The following LEUTX variants were observed in gnomAD, a reference collection of about 807,000 sequenced individuals.
LEUTX encodes leucine twenty homeobox, also known as paired-like homeodomain transcription factor LEUTX.
LEUTX carries 5 observed loss-of-function variants against 4.5 expected under a neutral mutation model. The ratio of observed to expected loss-of-function variants is 1.11; its 90% CI spans 0.58 to 2.34. The LOEUF (loss-of-function observed/expected upper bound fraction) is 2.34. Ranked by LOEUF, LEUTX falls within the 30% of genes most tolerant of loss-of-function variation. The pLI is 0.01. For synonymous variants in LEUTX, 89 were observed against 85.1 expected, an observed-to-expected ratio of 1.05 and a Z score of -0.25; for missense variants, 233 against 239.4, an observed-to-expected ratio of 0.97 and a Z score of 0.18.
intron 2 of LEUTX, 80 bp downstream of exon 2, chr19:39,784,758 C>T (rs1427338035): frequency 1.6e-5 from 17 of 1,085,706 alleles, no homozygotes; most frequent in Non-Finnish European, 2.2e-5. Flanking sequence ...TATAACAGTT[C>T]CTATTTATTG....
intron 1 of LEUTX, 23 bp from the exon 2 acceptor site, chr19:39,784,504 C>T (rs1967934900): frequency 1.3e-6 from 1 of 796,622 alleles, no homozygotes; most frequent in African/African-American, 1.7e-5. Flanking sequence ...TTAATGAAAG[C>T]CTTTTATCTG....
intron 1 of LEUTX, among the ~76,000 whole-genome samples, chr19:39,782,871 A>AT (rs113173901): frequency 0.015 from 2,350 of 152,126 alleles, 56 homozygotes; most frequent in African/African-American, 0.053. Flanking sequence ...CTAATAAAAC[A>AT]TTTTTAAATT....
At chr19:39,779,438 C>T (rs1007572169) in intron 1 of LEUTX, among the ~76,000 whole-genome samples, 7 of 152,090 alleles carry the variant, frequency 4.6e-5, no homozygotes, top group Non-Finnish European at 7.4e-5. Context: ...TCTGTTCACT[C>T]TATTTTAAAG....
intron 1 of LEUTX, among the ~76,000 whole-genome samples, chr19:39,782,801 C>G (rs12162263): frequency 0.11 from 16,224 of 152,190 alleles, 1,191 homozygotes; most frequent in Middle Eastern, 0.15. Flanking sequence ...AGCCTAAGCT[C>G]TTGATTCACA....
chr19:39,785,759 G>A lies in LEUTX; in HGVS notation c.221G>A (p.Arg74Gln), dbSNP rs921339184. ...CAGCAGCGGCAGCAAATGCAGACAC[G>A]GCCATCACTAGGGCCAGCAAACCAG... is the stretch of plus-strand genomic sequence containing the variant. Reference protein sequence around the residue: ...KRQQRQQMQTRPSLGPANQTT... With the variant: ...KRQQRQQMQTQPSLGPANQTT... The change falls in exon 3 of 3, where the codon CGG (arginine) becomes CAG (glutamine). Residue 74 changes from arginine to glutamine, a missense_variant. By Grantham distance (43) the Arg-to-Gln change is conservative. Coordinates refer to ENST00000638280, the MANE Select transcript of LEUTX (RefSeq NM_001382345.1). 20 of 1,551,714 alleles carry A rather than the reference G, an allele frequency of 1.3e-5. No individual in the cohort carries two copies. The highest frequency in any genetic ancestry group is 9.5e-5 in the South Asian group (8 of 84,060).
upstream of LEUTX, chr19:39,776,809 A>T: frequency 2.6e-6 from 1 of 383,236 alleles, no homozygotes; most frequent in Non-Finnish European, 5.2e-6. Context: ...TGAGCCTGGG[A>T]GGCGGAGGTT....
chr19:39,784,606 G>A lies in LEUTX; in HGVS notation c.87G>A (p.Lys29=), dbSNP rs565401736. Reference sequence around the variant, plus strand: ...CAGCATTGAGAGAATTGCTTGAAAAGACCATGCACCCAAGTTTGGCTACAA... The same window carrying A: ...CAGCATTGAGAGAATTGCTTGAAAAAACCATGCACCCAAGTTTGGCTACAA... ...QLTALRELLE[K]TMHPSLATMG... Residue 29 remains lysine, a synonymous_variant, in exon 2 of 3, where the codon AAG becomes AAA. Transcript: ENST00000638280. 1 of 1,550,390 alleles carries A rather than the reference G, an allele frequency of 6.4e-7. No individual in the cohort carries two copies. Among genetic ancestry groups the A allele is most frequent in the African/African-American group, 1.4e-5 (1 of 73,126 alleles).
At chr19:39,782,946 AGTG>A (rs1436729503) in intron 1 of LEUTX, among the ~76,000 whole-genome samples, 1 of 152,074 alleles carries the variant, frequency 6.6e-6, no homozygotes, top group Admixed American at 6.6e-5. Flanking sequence ...TAAGTTCTTT[AGTG>A]GTGATTTGTG....
At chr19:39,777,480 TG>T (rs1967812797), upstream of LEUTX, among the ~76,000 whole-genome samples, 1 of 152,210 alleles carries the variant, frequency 6.6e-6, no homozygotes, top group African/African-American at 2.4e-5. Flanking sequence ...TCCCTGCTAT[TG>T]GGGAGGTCAT....
upstream of LEUTX, chr19:39,776,595 C>T (rs770352002): frequency 2.2e-6 from 1 of 456,190 alleles, no homozygotes; most frequent in South Asian, 1.5e-5. Context: ...GAAACTGTAA[C>T]TGCACACGGT....
At chr19:39,783,508 G>T (rs552803796) in intron 1 of LEUTX, among the ~76,000 whole-genome samples, 4 of 151,338 alleles carry the variant, frequency 2.6e-5, no homozygotes, top group East Asian at 3.9e-4. Context: ...TTTTCCTCTG[G>T]GTAGATAGCC....
At chr19:39,778,072 T>TCACCCACC (rs111546109), upstream of LEUTX, among the ~76,000 whole-genome samples, 2,678 of 152,050 alleles carry the variant, frequency 0.018, 83 homozygotes, top group African/African-American at 0.059. Context: ...TAGATCTGTC[T>TCACCCACC]AGTGAATTAC....
intron 1 of LEUTX, among the ~76,000 whole-genome samples, chr19:39,783,173 CT>C (rs1011467252): frequency 9.3e-5 from 14 of 150,446 alleles, no homozygotes; most frequent in Non-Finnish European, 1.9e-4. Flanking sequence ...GAATAATGGT[CT>C]CCAATCTAAT....
At chr19:39,784,056 A>G (rs1461642877) in intron 1 of LEUTX, among the ~76,000 whole-genome samples, 1 of 151,922 alleles carries the variant, frequency 6.6e-6, no homozygotes, top group Non-Finnish European at 1.5e-5. Context: ...GTTGCTGTCT[A>G]TCTCATTTCT....
At chr19:39,783,063 A>G (rs1450245170) in intron 1 of LEUTX, among the ~76,000 whole-genome samples, 1 of 151,226 alleles carries the variant, frequency 6.6e-6, no homozygotes, top group Non-Finnish European at 1.5e-5. Flanking sequence ...CCCAAAGTCC[A>G]TTGTGTCATT....
chr19:39,778,905 AT>A lies in LEUTX; in HGVS notation c.-13del, dbSNP rs1191342145. 6.6e-6 allele frequency: 1 copy of A among 152,072 alleles called. No homozygotes were observed. The highest frequency in any genetic ancestry group is 1.5e-5 in the Non-Finnish European group (1 of 68,036). 9.4% of individuals were successfully genotyped at this position (152,072 alleles called of 1,614,324 possible). ...AGCACACAGCTGATCGAACCCACTCATTTCTAGAGGACACCATGTTTGGTAA... is the reference window on the plus strand; with the variant it reads ...AGCACACAGCTGATCGAACCCACTCATTCTAGAGGACACCATGTTTGGTAA... On this transcript the variant is annotated 5_prime_UTR_variant, in exon 1 of 3. Coordinates refer to ENST00000638280, the MANE Select transcript of LEUTX (RefSeq NM_001382345.1).
In LEUTX at chr19:39,785,760, G is replaced by T. The variant is rs920170515; in HGVS notation, c.222G>T (p.Arg74=). 20 of 1,551,662 alleles carry T rather than the reference G, an allele frequency of 1.3e-5. No homozygotes were observed. The Admixed American group carries it at 2.0e-4, about 15-fold the overall frequency. The change falls in exon 3 of 3, where the codon CGG becomes CGT. Residue 74 remains arginine (R), a synonymous_variant. Transcript: ENST00000638280. ...AGCAGCGGCAGCAAATGCAGACACG[G>T]CCATCACTAGGGCCAGCAAACCAGA... ...KRQQRQQMQT[R]PSLGPANQTT...
chr19:39,776,489 C>T (rs539045393), upstream of LEUTX: 1 of 411,046 alleles, frequency 2.4e-6, no homozygotes, highest in South Asian at 1.7e-5. Flanking sequence ...TCTGACCTGG[C>T]CTGGGGCGTA....
intron 1 of LEUTX, among the ~76,000 whole-genome samples, chr19:39,782,473 G>A (rs1967901068): frequency 6.6e-6 from 1 of 152,128 alleles, no homozygotes; most frequent in Non-Finnish European, 1.5e-5. Context: ...TGATTGTGAG[G>A]CCTCCCCAGC....
Sources: allele counts gnomAD v4.1 joint callset (sites outside exome capture counted in the v4.1 genomes callset), GRCh38; gene constraint gnomAD v4.1.1; transcripts MANE v1.5; gene names NCBI Gene and HGNC (gene_info 2026-07-23, HGNC 2026-07-21).